The following PXN variants were observed in gnomAD, a reference collection of about 807,000 sequenced individuals.
The protein encoded by PXN is paxillin.
A neutral mutation model predicts 103.6 loss-of-function variants in PXN; 61 were observed. The observed-to-expected ratio is 0.59, with a 90% CI of 0.48 to 0.73. The LOEUF (loss-of-function observed/expected upper bound fraction) is 0.73. PXN is among the 30% of genes least tolerant of loss of function. The probability of loss-of-function intolerance (pLI) is 0.00; values close to 1 mark genes in which losing one functional copy is unlikely to be tolerated. For missense variants in PXN, 1,274 were observed against 1,460.3 expected (o/e 0.87, Z 2.08); for synonymous variants, 562 against 607.8 (o/e 0.92, Z 1.11).
intron 1 of PXN, among the ~76,000 whole-genome samples, chr12:120,246,066 A>C (rs1891049964): frequency 6.6e-6 from 1 of 152,088 alleles, no homozygotes; most frequent in African/African-American, 2.4e-5. Flanking sequence ...ATAAAACAGA[A>C]CCCTAAAAAA....
intron 1 of PXN, among the ~76,000 whole-genome samples, chr12:120,250,533 G>C (rs1566430218): frequency 6.6e-6 from 1 of 152,178 alleles, no homozygotes; most frequent in Non-Finnish European, 1.5e-5. Context: ...TCTCAGCACA[G>C]CTCCCTGTGG....
Position 120,216,510 on chromosome 12 carries a change from A to G in PXN, c.2064T>C (p.Pro688=). 1.4e-6 allele frequency: 2 copies of G among 1,393,416 alleles called. No homozygotes were observed. The highest frequency in any genetic ancestry group is 1.8e-6 in the Non-Finnish European group (2 of 1,082,506). 86.3% of individuals were successfully genotyped at this position (1,393,416 alleles called of 1,614,324 possible). A position where few individuals can be genotyped will look rare whatever the true frequency, so the allele number is the denominator to read the frequency against. ...CGGCGTCTGTGCGATGCTGGAGCAA[A>G]GGGACAGAAGGAGAAGCCAGGACAG... ...TISVLASPSV[P]LLQHRTDAAA... is the part of the protein sequence containing the mutation. Residue 688 remains proline (P), a synonymous_variant, in exon 9 of 15, where the codon CCT becomes CCC. Transcript: ENST00000637617. The surrounding 1 kb of genome is among the most constrained non-coding windows in gnomAD (Gnocchi z 5.1).
rs1040702217 is a variant in PXN at position 120,212,649 on chromosome 12, C to T, written c.2980-69G>A. On this transcript the variant is annotated intron_variant, in intron 14 of 14. Coordinates refer to ENST00000637617, the MANE Select transcript of PXN (RefSeq NM_001385981.1). This position sits in a 1 kb window ranked among gnomAD's most constrained non-coding sequence, Gnocchi z 7.2. ...AGAGCTGCACCCTGTGTGATGGGGCCGAGGTGGGCATAGTCGGCACGCTCG... is the reference window on the plus strand; with the variant it reads ...AGAGCTGCACCCTGTGTGATGGGGCTGAGGTGGGCATAGTCGGCACGCTCG... 18 of 1,551,052 alleles carry T rather than the reference C, an allele frequency of 1.2e-5. No homozygotes were observed. The African/African-American group carries it at 1.6e-4, about 14-fold the overall frequency.
In PXN at chr12:120,225,903, AC is replaced by A. The variant is rs1420964323; in HGVS notation, c.14-1527del. On this transcript the variant is annotated intron_variant, in intron 1 of 14. Coordinates refer to ENST00000637617, the MANE Select transcript of PXN (RefSeq NM_001385981.1). This position sits in a 1 kb window ranked among gnomAD's most constrained non-coding sequence, Gnocchi z 4.4. ...ATCTCCTACCCTCAAGGCTGGCCACACCTACCCCATGCTCCTGCCCAGATGG... is the reference window on the plus strand; with the variant it reads ...ATCTCCTACCCTCAAGGCTGGCCACACTACCCCATGCTCCTGCCCAGATGG... 1.1e-5 allele frequency: 3 copies of A among 265,352 alleles called. No individual in the cohort carries two copies. The highest frequency in any genetic ancestry group is 1.9e-5 in the Non-Finnish European group (3 of 161,064). 16.4% of individuals were successfully genotyped at this position (265,352 alleles called of 1,614,324 possible).
chr12:120,223,267 C>G (rs1007276106), intron 3 of PXN, among the ~76,000 whole-genome samples: 3 of 151,928 alleles, frequency 2.0e-5, no homozygotes, highest in Admixed American at 6.6e-5. Flanking sequence ...CACGGTGAAA[C>G]CCCGTCTCTA....
rs1212527376 is a variant in PXN, at chr12:120,217,071, G to A, written c.1762C>T (p.Pro588Ser). ...RRSWESGHAH[P>S]MSREPSPRRR... ...CGAGGGGAGGGCTCCCGGGACATGG[G>A]GTGTGCGTGGCCAGACTCCCAGCTC... The change falls in exon 8 of 15, where the codon CCC becomes TCC. Residue 588 changes from proline (P) to serine (S), a missense_variant. Physicochemically the swap from Pro to Ser is moderately conservative, Grantham distance 74. Coordinates refer to ENST00000637617, the MANE Select transcript of PXN (RefSeq NM_001385981.1). This position sits in a 1 kb window ranked among gnomAD's most constrained non-coding sequence, Gnocchi z 4.1. 3 of 1,591,914 alleles carry A rather than the reference G, an allele frequency of 1.9e-6. No individual in the cohort carries two copies. Among genetic ancestry groups the A allele is most frequent in the Admixed American group, 1.7e-5 (1 of 59,162 alleles).
rs1460683041 is a variant in PXN, at chr12:120,212,772, T to G, written c.2980-192A>C. The G allele has an allele frequency of 1.7e-6, 1 of 588,698 alleles. No homozygotes were observed. The highest frequency in any genetic ancestry group is 3.1e-5 in the East Asian group (1 of 31,894). The allele number at this position is 588,698 out of a possible 1,614,324, so 36.5% of individuals were successfully genotyped here. ...ATTAAATAAATTTTTTTTGTAGAGA[T>G]GGGGGTCTCACTATATTGCCCATGC... On this transcript the variant is annotated intron_variant, in intron 14 of 14. Transcript: ENST00000637617. This position sits in a 1 kb window ranked among gnomAD's most constrained non-coding sequence, Gnocchi z 7.2.
chr12:120,246,143 T>G lies in PXN; in HGVS notation c.13+19474A>C, dbSNP rs543765134. On this transcript the variant is annotated intron_variant, in intron 1 of 14. Coordinates refer to ENST00000637617, the MANE Select transcript of PXN (RefSeq NM_001385981.1). ...GGCTCACACCTATAATCCCAGCGCA[T>G]TGGGAGGCCAAAGCAGGAGGATTGC... Among the ~76,000 whole-genome samples the G allele has an allele frequency of 3.1e-3, 474 of 152,088 alleles. 1 individual carries two copies. Among genetic ancestry groups the G allele is most frequent in the African/African-American group, 0.011 (457 of 41,490 alleles).
In PXN at chr12:120,220,135, G is replaced by A. The variant is rs1470063192; in HGVS notation, c.832-44C>T. On this transcript the variant is annotated intron_variant, in intron 6 of 14. Coordinates refer to ENST00000637617, the MANE Select transcript of PXN (RefSeq NM_001385981.1). This position sits in a 1 kb window ranked among gnomAD's most constrained non-coding sequence, Gnocchi z 6.1. ...CAGAGGGGAGAGGAGAGAGAGAGAT[G>A]AGGGGAGTGAGGACGGCTGCACCTT... The A allele has an allele frequency of 2.5e-6, 2 of 788,076 alleles. No individual in the cohort carries two copies. Among genetic ancestry groups the A allele is most frequent in the African/African-American group, 1.7e-5 (1 of 57,174 alleles). 48.8% of individuals were successfully genotyped at this position (788,076 alleles called of 1,614,324 possible). A position where few individuals can be genotyped will look rare whatever the true frequency, so the allele number is the denominator to read the frequency against.
Position 120,214,321 on chromosome 12 carries a change from G to A in PXN, c.2749-104C>T. On this transcript the variant is annotated intron_variant, in intron 12 of 14. Transcript: ENST00000637617. This position sits in a 1 kb window ranked among gnomAD's most constrained non-coding sequence, Gnocchi z 5.0. ...CACCCGCAGCTCATAGCCATAGACA[G>A]AGCAAAACACTCCCAAGATGGGGGT... The A allele has an allele frequency of 1.0e-6, 1 of 959,872 alleles. No individual in the cohort carries two copies. The highest frequency in any genetic ancestry group is 2.6e-5 in the East Asian group (1 of 38,062). 59.5% of individuals were successfully genotyped at this position (959,872 alleles called of 1,614,324 possible).
In PXN at chr12:120,219,216, G is replaced by A; in HGVS notation, c.1707C>T (p.Thr569=). 1 of 1,574,274 alleles carries A rather than the reference G, an allele frequency of 6.4e-7. No individual in the cohort carries two copies. The highest frequency in any genetic ancestry group is 8.6e-7 in the Non-Finnish European group (1 of 1,163,634). ...GTPSTTERIS[T]SGQIRSVIRR... ...GCGAGCTGGTGCCTGCCTGGCCAGA[G>A]GTGGAAATCCTCTCCGTGGTGCTGG... The change falls in exon 7 of 15, where the codon ACC becomes ACT. Residue 569 remains threonine, a synonymous_variant. Transcript: ENST00000637617. This position sits in a 1 kb window ranked among gnomAD's most constrained non-coding sequence, Gnocchi z 6.5.
intron 1 of PXN, among the ~76,000 whole-genome samples, chr12:120,253,723 T>C (rs1273037417): frequency 1.3e-5 from 2 of 152,206 alleles, no homozygotes; most frequent in Non-Finnish European, 2.9e-5. Flanking sequence ...TATACATCCA[T>C]TGTATATAGA....
rs1445043472 is a variant in PXN at position 120,211,989 on chromosome 12, T to C, written c.*325A>G. The C allele has an allele frequency of 1.7e-6, 1 of 603,676 alleles. No homozygotes were observed. The allele number at this position is 603,676 out of a possible 1,614,324, so 37.4% of individuals were successfully genotyped here. A position where few individuals can be genotyped will look rare whatever the true frequency, so the allele number is the denominator to read the frequency against. On this transcript the variant is annotated 3_prime_UTR_variant, in exon 15 of 15. Coordinates refer to ENST00000637617, the MANE Select transcript of PXN (RefSeq NM_001385981.1). ...GCACTGCTGAAATATGAGGAAGAGATGGCTCCAGTGTGGGGTGCTGGCCAG... is the reference window on the plus strand; with the variant it reads ...GCACTGCTGAAATATGAGGAAGAGACGGCTCCAGTGTGGGGTGCTGGCCAG...
At chr12:120,264,933 T>G in intron 1 of PXN, among the ~76,000 whole-genome samples, 1 of 151,914 alleles carries the variant, frequency 6.6e-6, no homozygotes, top group African/African-American at 2.4e-5. Flanking sequence ...GATGGGTCCT[T>G]GAAACGGGGT....
chr12:120,257,738 T>C (rs1381449064), intron 1 of PXN, among the ~76,000 whole-genome samples: 1 of 152,156 alleles, frequency 6.6e-6, no homozygotes, highest in Non-Finnish European at 1.5e-5. Context: ...ATGGTCAGAC[T>C]TGAGCTATAA....
At chr12:120,263,494 G>A (rs1894202122) in intron 1 of PXN, among the ~76,000 whole-genome samples, 2 of 152,330 alleles carry the variant, frequency 1.3e-5, no homozygotes, top group African/African-American at 4.8e-5. Context: ...AGTCTTCTCG[G>A]TATACAAGAG....
At chr12:120,227,230 G>C (rs762521133) in intron 1 of PXN, 7 of 875,726 alleles carry the variant, frequency 8.0e-6, no homozygotes, top group Non-Finnish European at 9.6e-6. Flanking sequence ...GCTGGGTGTG[G>C]TGGCGCATGC....
chr12:120,241,606 A>G (rs1890151831), intron 1 of PXN, among the ~76,000 whole-genome samples: 1 of 152,248 alleles, frequency 6.6e-6, no homozygotes. Flanking sequence ...AGACTGTCAT[A>G]AACGAGGGGC....
chr12:120,248,548 G>A (rs1007454233), intron 1 of PXN, among the ~76,000 whole-genome samples: 1 of 128,600 alleles, frequency 7.8e-6, no homozygotes, highest in Non-Finnish European at 1.6e-5. Context: ...ACACCAGACT[G>A]TCCCCTCTCT....
Sources: gnomAD v4.1 joint callset for allele counts (sites outside exome capture counted in the v4.1 genomes callset) on GRCh38, gnomAD v4.1.1 for gene constraint, Gnocchi (gnomAD v3.1) non-coding constraint, MANE v1.5 for transcripts, NCBI Gene and HGNC (gene_info 2026-07-23, HGNC 2026-07-21) for gene names.